PLAAT1: variants seen among roughly 807,000 people sequenced by gnomAD.
PLAAT1 encodes H-REV107 protein-related protein.
A neutral mutation model predicts 16.4 loss-of-function variants in PLAAT1; 13 were observed. The ratio of observed to expected loss-of-function variants is 0.79; its 90% CI spans 0.52 to 1.26. The LOEUF (loss-of-function observed/expected upper bound fraction) is 1.26. PLAAT1 is among the 50% of genes most tolerant of loss of function. The pLI is 0.00. For synonymous variants in PLAAT1, 73 were observed against 78.4 expected (o/e 0.93, Z 0.36); for missense variants, 218 against 207.8 (o/e 1.05, Z -0.30).
chr3:193,241,157 G>T (rs1042241018), upstream of PLAAT1: 2 of 1,181,494 alleles, frequency 1.7e-6, no homozygotes, highest in South Asian at 4.3e-5. Flanking sequence ...TGGGCTCGGG[G>T]CCAAGCGAGG....
chr3:193,277,544 C>A (rs888865396), intron 2 of PLAAT1: 2 of 152,226 alleles, frequency 1.3e-5, no homozygotes, highest in African/African-American at 4.8e-5. Flanking sequence ...AACTCACTGA[C>A]CCTCCGTAGT....
chr3:193,258,789 C>G (rs1716475224), intron 2 of PLAAT1, among the ~76,000 whole-genome samples: 1 of 151,874 alleles, frequency 6.6e-6, no homozygotes, highest in Admixed American at 6.6e-5. Context: ...CGAAAAAAGC[C>G]CTGGAGCAGA....
upstream of PLAAT1, among the ~76,000 whole-genome samples, chr3:193,240,654 C>CGTGTGGTGTGTGTGT (rs1553803501): frequency 1.1e-5 from 1 of 88,502 alleles, no homozygotes; most frequent in Non-Finnish European, 2.2e-5. Flanking sequence ...GGCTATCTGG[C>CGTGTGGTGTGTGTGT]GTGTGTGTGT....
downstream of PLAAT1, among the ~76,000 whole-genome samples, chr3:193,274,323 C>T (rs541145241): frequency 5.9e-5 from 9 of 152,288 alleles, no homozygotes; most frequent in African/African-American, 1.9e-4. Context: ...TATCTTTTTA[C>T]AGTTTATTTC....
chr3:193,277,898 T>C (rs528387303), downstream of PLAAT1, among the ~76,000 whole-genome samples: 2 of 152,268 alleles, frequency 1.3e-5, no homozygotes, highest in African/African-American at 4.8e-5. Flanking sequence ...CAATTTCAGC[T>C]CACTGCAACA....
chr3:193,249,772 T>C (rs1716126054), intron 1 of PLAAT1, among the ~76,000 whole-genome samples: 1 of 152,036 alleles, frequency 6.6e-6, no homozygotes, highest in African/African-American at 2.4e-5. Flanking sequence ...GCTTGATTTA[T>C]TCTACTGTTG....
chr3:193,252,073 T>A (rs1577301902), intron 1 of PLAAT1, among the ~76,000 whole-genome samples: 1 of 152,304 alleles, frequency 6.6e-6, no homozygotes, highest in South Asian at 2.1e-4. Flanking sequence ...CACAGCTCCA[T>A]AGGGCGTACA....
chr3:193,275,343 G>A, downstream of PLAAT1: 1 of 1,600,184 alleles, frequency 6.2e-7, no homozygotes. Flanking sequence ...TATTGCGCAG[G>A]TCCCCCTGCA....
chr3:193,246,263 A>G (rs1288804262), intron 1 of PLAAT1, among the ~76,000 whole-genome samples: 1 of 152,176 alleles, frequency 6.6e-6, no homozygotes, highest in Non-Finnish European at 1.5e-5. Context: ...TGTAGCGTGA[A>G]TGGGTGTTGG....
chr3:193,269,390 A>G (rs774091376), intron 3 of PLAAT1, among the ~76,000 whole-genome samples: 5 of 152,182 alleles, frequency 3.3e-5, no homozygotes, highest in African/African-American at 4.8e-5. Flanking sequence ...CCACCACAGG[A>G]TGGTGTAGTG....
At chr3:193,247,434 G>A (rs1716021414) in intron 1 of PLAAT1, among the ~76,000 whole-genome samples, 1 of 152,128 alleles carries the variant, frequency 6.6e-6, no homozygotes, top group Non-Finnish European at 1.5e-5. Context: ...TATATATAAA[G>A]CCCTTGTATT....
rs957090826 is a variant in PLAAT1 at position 193,249,808 on chromosome 3, C to A, written c.1-5843C>A. Among the ~76,000 whole-genome samples the A allele has an allele frequency of 4.0e-5, 6 of 151,570 alleles. 1 individual carries two copies. Among genetic ancestry groups the A allele is most frequent in the Admixed American group, 3.9e-4 (6 of 15,214 alleles). On this transcript the variant is annotated intron_variant, in intron 1 of 3. Transcript: ENST00000264735. ...AACCTCCTTATTGGTTTTTTCATTT[C>A]AGTTATATTATTATTCAGCTTGATG...
intron 2 of PLAAT1, chr3:193,276,783 G>A: frequency 6.2e-7 from 1 of 1,613,324 alleles, no homozygotes; most frequent in Non-Finnish European, 8.5e-7. Flanking sequence ...ATTGGGTGAG[G>A]GCTACCACCA....
chr3:193,258,723 A>G (rs1222773208), intron 2 of PLAAT1, among the ~76,000 whole-genome samples: 1 of 152,086 alleles, frequency 6.6e-6, no homozygotes, highest in Non-Finnish European at 1.5e-5. Context: ...GAGAAGACCA[A>G]TAACAAGTTC....
At chr3:193,276,370 G>A (rs1158617098) in intron 2 of PLAAT1, among the ~76,000 whole-genome samples, 1 of 152,164 alleles carries the variant, frequency 6.6e-6, no homozygotes, top group Admixed American at 6.5e-5. Flanking sequence ...CTTTCTTATG[G>A]AAACCCTGCG....
At chr3:193,260,975 G>C (rs1010269533) in intron 2 of PLAAT1, among the ~76,000 whole-genome samples, 1 of 152,138 alleles carries the variant, frequency 6.6e-6, no homozygotes, top group Non-Finnish European at 1.5e-5. Flanking sequence ...AGTTACTTCT[G>C]GGTGGTGGGA....
intron 2 of PLAAT1, among the ~76,000 whole-genome samples, chr3:193,258,233 T>TA (rs1415068223): frequency 6.6e-6 from 1 of 152,114 alleles, no homozygotes. Context: ...AGACACAACT[T>TA]ACCAAAATCT....
intron 3 of PLAAT1, among the ~76,000 whole-genome samples, chr3:193,267,971 CT>C (rs1323053092): frequency 3.0e-4 from 45 of 152,146 alleles, no homozygotes; most frequent in African/African-American, 9.4e-4. Context: ...TTATATGCTT[CT>C]TTGCATATCA....
At chr3:193,255,284 C>A (rs1004589476) in intron 1 of PLAAT1, among the ~76,000 whole-genome samples, 1 of 151,872 alleles carries the variant, frequency 6.6e-6, no homozygotes, top group Non-Finnish European at 1.5e-5. Context: ...CTAAATAGAC[C>A]ATTTTTTAAT....
Sources: gnomAD v4.1 joint callset for allele counts (sites outside exome capture counted in the v4.1 genomes callset) on GRCh38, gnomAD v4.1.1 for gene constraint, MANE v1.5 for transcripts, NCBI Gene and HGNC (gene_info 2026-07-23, HGNC 2026-07-21) for gene names.